BSN: variants seen among roughly 807,000 people sequenced by gnomAD.
BSN encodes the protein bassoon presynaptic cytomatrix protein.
Under a neutral mutation model 264.8 loss-of-function variants are expected in BSN, and 57 were observed. The observed-to-expected ratio is 0.22, with a 90% CI of 0.17 to 0.27. BSN has a LOEUF of 0.27. Ranked by LOEUF, BSN falls within the 10% of genes least tolerant of loss-of-function variation. BSN has a pLI of 1.00. For missense variants in BSN, 4,615 were observed against 5,232.5 expected (o/e 0.88, Z 3.64); for synonymous variants, 2,059 against 2,137.3 (o/e 0.96, Z 1.01).
chr3:49,667,515 G>T, intron 11 of BSN, 75 bp from the exon 12 acceptor site: 1 of 152,834 alleles, frequency 6.5e-6, no homozygotes, highest in Non-Finnish European at 1.5e-5. Context: ...AGGGTGAGAA[G>T]CAGCTATCTA....
In BSN at chr3:49,664,470, G is replaced by C. The variant is rs143084669; in HGVS notation, c.11656G>C (p.Gly3886Arg). 1.2e-4 allele frequency: 189 copies of C among 1,613,410 alleles called. No individual in the cohort carries two copies. The highest frequency in any genetic ancestry group is 1.6e-4 in the Non-Finnish European group (184 of 1,179,952). ...TGGAGGAACCCCAGGGGCTCCCGCC[G>C]GCCAGCCAGGTGCCGATGGGGAGAG... ...RPGGTPGAPA[G>R]QPGADGESVF... is the part of the protein sequence containing the mutation. The change falls in exon 9 of 12, where the codon GGC (glycine) becomes CGC (arginine). Residue 3886 changes from glycine (G) to arginine (R), a missense_variant. Around this residue, in one of 3 missense-constraint regions of BSN, gnomAD observed 3,415 missense variants for 3,866.4 expected, o/e 0.88. Transcript: ENST00000296452.
rs140305957 is a variant in BSN at position 49,625,067 on chromosome 3, A to G, written c.317A>G (p.His106Arg). 303 of 1,606,678 alleles carry G rather than the reference A, an allele frequency of 1.9e-4. No individual in the cohort carries two copies. Among genetic ancestry groups the G allele is most frequent in the Non-Finnish European group, 2.4e-4 (284 of 1,176,946 alleles). The change falls in exon 2 of 12, where the codon CAT (histidine) becomes CGT (arginine). Residue 106 changes from histidine to arginine, a missense_variant. This residue lies in a region of BSN where 1,197 missense variants were observed against 1,348.0 expected (regional missense o/e 0.89). Transcript: ENST00000296452. This position sits in a 1 kb window ranked among gnomAD's most constrained non-coding sequence, Gnocchi z 4.4. ...PKQASATTPG[H>R]ESPRETRAQG... ...CAGGCTTCTGCTACCACTCCTGGCC[A>G]TGAGAGCCCCCGAGAGACAAGGGCA...
chr3:49,600,161 A>G lies in BSN; in HGVS notation c.225-24814A>G, dbSNP rs113923186. Among the ~76,000 whole-genome samples, 9 of 152,228 alleles carry G rather than the reference A, an allele frequency of 5.9e-5. 1 individual carries two copies. The highest frequency in any genetic ancestry group is 1.9e-4 in the African/African-American group (8 of 41,534). On this transcript the variant is annotated intron_variant, in intron 1 of 11. Transcript: ENST00000296452. ...GACAATGCTGTGTCAGTTCAGGAGGAGGAGAGAGAGGAGTTCAGAGGCAGA... is the reference window on the plus strand; with the variant it reads ...GACAATGCTGTGTCAGTTCAGGAGGGGGAGAGAGAGGAGTTCAGAGGCAGA...
chr3:49,583,850 T>C (rs886217010), intron 1 of BSN, among the ~76,000 whole-genome samples: 2 of 152,106 alleles, frequency 1.3e-5, no homozygotes, highest in African/African-American at 4.8e-5. Context: ...GTTCATAGTA[T>C]TCTCTTGCAA....
At chr3:49,572,594 C>T (rs1364893520) in intron 1 of BSN, among the ~76,000 whole-genome samples, 1 of 152,114 alleles carries the variant, frequency 6.6e-6, no homozygotes, top group Non-Finnish European at 1.5e-5. Flanking sequence ...AGTGCAGTGG[C>T]GCGATCTCGG....
chr3:49,645,323 G>A (rs889612684), intron 3 of BSN, among the ~76,000 whole-genome samples: 1 of 152,204 alleles, frequency 6.6e-6, no homozygotes, highest in Non-Finnish European at 1.5e-5. Flanking sequence ...TAGGGAAGGT[G>A]TGGATAGGCG....
chr3:49,612,211 CT>C (rs1290765317), intron 1 of BSN, among the ~76,000 whole-genome samples: 21 of 151,580 alleles, frequency 1.4e-4, no homozygotes, highest in African/African-American at 5.1e-4. Flanking sequence ...TCTCGGCTCA[CT>C]GCAAGCTCCG....
In BSN at chr3:49,574,755, C is replaced by T. The variant is rs140222154; in HGVS notation, c.224+19929C>T. On this transcript the variant is annotated intron_variant, in intron 1 of 11. Coordinates refer to ENST00000296452, the MANE Select transcript of BSN (RefSeq NM_003458.4). ...GGTTCAAGTGATTCTCTTGCCCCAG[C>T]GAGTAGCTGGGACTACAGGCGTGTG... is the stretch of plus-strand genomic sequence containing the variant. 9.3e-3 allele frequency among the ~76,000 whole-genome samples: 1,406 copies of T among 151,310 alleles called. 29 individuals carry two copies. Among genetic ancestry groups the T allele is most frequent in the African/African-American group, 0.031 (1,284 of 41,248 alleles).
At chr3:49,671,671 G>A (rs1241298106), downstream of BSN, 12 of 152,288 alleles carry the variant, frequency 7.9e-5, no homozygotes. The surrounding 1 kb of genome is among the most constrained non-coding windows in gnomAD (Gnocchi z 4.1). Flanking sequence ...CAGAAGTGCT[G>A]GCACAGCACG....
In BSN at chr3:49,656,272, C is replaced by A. The variant is rs763888859; in HGVS notation, c.6716C>A (p.Thr2239Asn). 4 of 1,613,014 alleles carry A rather than the reference C, an allele frequency of 2.5e-6. No homozygotes were observed. In the South Asian group the frequency reaches 4.4e-5, roughly 18 times the overall value. Residue 2239 changes from threonine (T) to asparagine (N), a missense_variant, in exon 5 of 12, where the codon ACC becomes AAC. Thr to Asn is a moderately conservative substitution (Grantham distance 65). Transcript: ENST00000296452. ...ASGGITAVPL[T>N]SLTRVPMIAP... is the part of the protein sequence containing the mutation. ...GGTGGAATCACAGCCGTGCCACTCA[C>A]CAGTCTGACACGTGTGCCCATGATT...
chr3:49,668,507 C>T lies in BSN; in HGVS notation c.*1022C>T, dbSNP rs960790259. 1.3e-5 allele frequency: 2 copies of T among 152,728 alleles called. No individual in the cohort carries two copies. The highest frequency in any genetic ancestry group is 4.8e-5 in the African/African-American group (2 of 41,440). 9.5% of individuals were successfully genotyped at this position (152,728 alleles called of 1,614,324 possible). On this transcript the variant is annotated 3_prime_UTR_variant, in exon 12 of 12. Transcript: ENST00000296452. ...CTGATGGTTTGGTTTCCTCTCTGCT[C>T]TGCCCCTGCTCAGCACAGGGAGAAT...
intron 1 of BSN, among the ~76,000 whole-genome samples, chr3:49,575,309 G>A (rs905187192): frequency 1.3e-5 from 2 of 151,540 alleles, no homozygotes; most frequent in African/African-American, 2.4e-5. Flanking sequence ...ACCCGAGATC[G>A]CAGCACTGCA....
chr3:49,608,930 G>A (rs2052181139), intron 1 of BSN, among the ~76,000 whole-genome samples: 2 of 152,020 alleles, frequency 1.3e-5, no homozygotes, highest in Non-Finnish European at 2.9e-5. Flanking sequence ...TGAGGAGAGA[G>A]AGGGAGGCCA....
chr3:49,654,880 A>G lies in BSN; in HGVS notation c.5324A>G (p.Lys1775Arg). ...GGSPVCLAQV[K>R]QVEQAVQTAP... ...AGCCCTGTGTGCCTGGCCCAGGTCA[A>G]ACAAGTAGAGCAGGCTGTCCAGACA... The change falls in exon 5 of 12, where the codon AAA (lysine) becomes AGA (arginine). Residue 1775 changes from lysine (K) to arginine (R), a missense_variant. This residue lies in a region of BSN where 3,415 missense variants were observed against 3,866.4 expected (regional missense o/e 0.88). Transcript: ENST00000296452. This position sits in a 1 kb window ranked among gnomAD's most constrained non-coding sequence, Gnocchi z 4.1. The G allele has an allele frequency of 6.2e-7, 1 of 1,613,462 alleles. No homozygotes were observed. The highest frequency in any genetic ancestry group is 8.5e-7 in the Non-Finnish European group (1 of 1,179,948).
intron 1 of BSN, among the ~76,000 whole-genome samples, chr3:49,565,207 G>A (rs1240418053): frequency 1.4e-5 from 2 of 146,586 alleles, no homozygotes; most frequent in Admixed American, 6.8e-5. Flanking sequence ...GTGCAGTGGC[G>A]GGATCTCGGC....
In BSN at chr3:49,625,272, G is replaced by A; in HGVS notation, c.522G>A (p.Lys174=). The A allele has an allele frequency of 3.7e-6, 6 of 1,603,760 alleles. No individual in the cohort carries two copies. The highest frequency in any genetic ancestry group is 5.1e-6 in the Non-Finnish European group (6 of 1,175,148). The change falls in exon 2 of 12, where the codon AAG becomes AAA. Residue 174 remains lysine, a synonymous_variant. Coordinates refer to ENST00000296452, the MANE Select transcript of BSN (RefSeq NM_003458.4). This position sits in a 1 kb window ranked among gnomAD's most constrained non-coding sequence, Gnocchi z 4.4. ...GCAGCACGCTGTGTCCCATATGCAA[G>A]ACTTCGGACCTCACGTCGACCCCCA... is the stretch of plus-strand genomic sequence containing the variant. ...LPSSTLCPIC[K]TSDLTSTPSQ...
At chr3:49,589,594 C>T (rs757315230) in intron 1 of BSN, among the ~76,000 whole-genome samples, 2 of 150,582 alleles carry the variant, frequency 1.3e-5, no homozygotes, top group Non-Finnish European at 3.0e-5. Context: ...GCAACCTCCG[C>T]CTTCCAGGTT....
downstream of BSN, among the ~76,000 whole-genome samples, chr3:49,672,781 CTTTTTTT>C (rs757536435): frequency 9.3e-6 from 1 of 106,984 alleles, no homozygotes; most frequent in Non-Finnish European, 1.9e-5. Flanking sequence ...GCGCCTGGCA[CTTTTTTT>C]TTTTTTTTTT....
At chr3:49,583,430 T>C (rs1343925142) in intron 1 of BSN, among the ~76,000 whole-genome samples, 3 of 152,198 alleles carry the variant, frequency 2.0e-5, no homozygotes, top group Non-Finnish European at 4.4e-5. Context: ...TGTAGTTTTC[T>C]TGTAGTATCT....
Sources: gnomAD v4.1 joint callset for allele counts (sites outside exome capture counted in the v4.1 genomes callset) on GRCh38, gnomAD v4.1.1 for gene constraint, gnomAD v4.1.1 regional missense constraint, Gnocchi (gnomAD v3.1) non-coding constraint, MANE v1.5 for transcripts, NCBI Gene and HGNC (gene_info 2026-07-23, HGNC 2026-07-21) for gene names.